The following ILKAP variants were observed in gnomAD, a reference collection of about 807,000 sequenced individuals.
ILKAP encodes integrin-linked kinase-associated serine/threonine phosphatase 2C.
A neutral mutation model predicts 49.1 loss-of-function variants in ILKAP; 11 were observed. The observed-to-expected ratio is 0.22, with a 90% CI of 0.14 to 0.37. The LOEUF (loss-of-function observed/expected upper bound fraction) is 0.37. Ranked by LOEUF, ILKAP falls within the 10% of genes least tolerant of loss-of-function variation. The pLI, the probability that ILKAP is intolerant of heterozygous loss-of-function variation, is 1.00. For missense variants in ILKAP, 363 were observed against 510.8 expected (o/e 0.71, Z 2.79); for synonymous variants, 186 against 192.8 (o/e 0.96, Z 0.29).
At chr2:238,184,827 T>C (rs938030951) in intron 6 of ILKAP, among the ~76,000 whole-genome samples, 1 of 152,032 alleles carries the variant, frequency 6.6e-6, no homozygotes, top group Non-Finnish European at 1.5e-5. Flanking sequence ...CCTCCCAAAG[T>C]GCTGTGTGAG....
chr2:238,188,346 ACTGT>A, intron 4 of ILKAP, 89 bp from the exon 5 acceptor site: 1 of 1,468,988 alleles, frequency 6.8e-7, no homozygotes, highest in East Asian at 2.4e-5. Flanking sequence ...GGGAACTATG[ACTGT>A]CTGACTCAGC....
At chr2:238,185,012 G>A (rs1386235841) in intron 6 of ILKAP, among the ~76,000 whole-genome samples, 169 bp downstream of exon 6, 1 of 152,124 alleles carries the variant, frequency 6.6e-6, no homozygotes, top group Non-Finnish European at 1.5e-5. Context: ...AGTCACACCT[G>A]CATGGCCGCT....
chr2:238,188,139 C>T lies in ILKAP; in HGVS notation c.417G>A (p.Ser139=), dbSNP rs138619010. 518 of 1,613,906 alleles carry T rather than the reference C, an allele frequency of 3.2e-4. No individual in the cohort carries two copies. Among genetic ancestry groups the T allele is most frequent in the Non-Finnish European group, 4.2e-4 (501 of 1,180,002 alleles). The change falls in exon 5 of 12, where the codon TCG becomes TCA. Residue 139 remains serine, a synonymous_variant. Coordinates refer to ENST00000254654, the MANE Select transcript of ILKAP (RefSeq NM_030768.3). The stretch of plus-strand genomic sequence containing the variant: ...TACCACATGAGACTCACATGAGGGA[C>T]GATGGGGGCCTACACTCCTCGGTGA... The part of the protein sequence containing the change: ...NDITEECRPP[S]SLITRVSYFA...
At position 238,179,815 on chromosome 2, in the gene ILKAP, AAAAAAATAC is replaced by A. The variant is rs756451330; in HGVS notation, c.836+2241_836+2249del. Among the ~76,000 whole-genome samples, 162 of 152,268 alleles carry A rather than the reference AAAAAAATAC, an allele frequency of 1.1e-3. 3 individuals carry two copies. Among genetic ancestry groups the A allele is most frequent in the Admixed American group, 4.3e-3 (66 of 15,298 alleles). ...AGGAAATATACAGAAATAACACCGT[AAAAAAATAC>A]GCAGGTTCAGAATATTGGTGACTCT... On this transcript the variant is annotated intron_variant, in intron 9 of 11. Coordinates refer to ENST00000254654, the MANE Select transcript of ILKAP (RefSeq NM_030768.3).
At chr2:238,177,633 T>C (rs1399390920) in intron 9 of ILKAP, among the ~76,000 whole-genome samples, 1 of 152,242 alleles carries the variant, frequency 6.6e-6, no homozygotes, top group Non-Finnish European at 1.5e-5. Flanking sequence ...TTCATCCATT[T>C]TGTAGCATGG....
intron 9 of ILKAP, among the ~76,000 whole-genome samples, chr2:238,175,286 A>G (rs1173090007): frequency 1.3e-5 from 2 of 151,994 alleles, no homozygotes; most frequent in Admixed American, 6.5e-5. Flanking sequence ...TTTTTTGTAC[A>G]GATGGGGTGT....
chr2:238,179,977 T>C (rs1693619822), intron 9 of ILKAP, among the ~76,000 whole-genome samples: 1 of 151,896 alleles, frequency 6.6e-6, no homozygotes, highest in Non-Finnish European at 1.5e-5. Flanking sequence ...TAGCTCAGCC[T>C]GGAAAACACA....
chr2:238,174,702 T>C (rs1693370544), intron 9 of ILKAP, among the ~76,000 whole-genome samples: 1 of 152,200 alleles, frequency 6.6e-6, no homozygotes, highest in African/African-American at 2.4e-5. Context: ...TTCAAAGACT[T>C]CTGCTGGTAT....
chr2:238,195,807 CT>C (rs1417955738), intron 1 of ILKAP, among the ~76,000 whole-genome samples: 1 of 152,040 alleles, frequency 6.6e-6, no homozygotes, highest in African/African-American at 2.4e-5. Flanking sequence ...CTTCGGTAGG[CT>C]GAGGTGGGAG....
intron 1 of ILKAP, among the ~76,000 whole-genome samples, chr2:238,195,515 A>G (rs1240986598): frequency 1.3e-5 from 2 of 152,370 alleles, no homozygotes; most frequent in South Asian, 2.1e-4. Flanking sequence ...TTTACACTCC[A>G]AAAGTATGTC....
chr2:238,189,766 G>A (rs1694046175), intron 4 of ILKAP, 87 bp downstream of exon 4: 1 of 1,249,762 alleles, frequency 8.0e-7, no homozygotes, highest in Non-Finnish European at 1.1e-6. Flanking sequence ...TAAAAAGAAA[G>A]TATTATTAGA....
chr2:238,177,154 A>C (rs1693496971), intron 9 of ILKAP, among the ~76,000 whole-genome samples: 1 of 152,256 alleles, frequency 6.6e-6, no homozygotes, highest in African/African-American at 2.4e-5. Flanking sequence ...AAAGTAGAAA[A>C]AAATAATGCA....
intron 6 of ILKAP, among the ~76,000 whole-genome samples, chr2:238,184,708 A>G (rs958868599): frequency 4.0e-5 from 6 of 148,596 alleles, no homozygotes; most frequent in African/African-American, 1.5e-4. Flanking sequence ...CCACAGGCAC[A>G]TACCACCATG....
chr2:238,174,912 T>C (rs1175476704), intron 9 of ILKAP, among the ~76,000 whole-genome samples: 2 of 152,132 alleles, frequency 1.3e-5, no homozygotes, highest in Non-Finnish European at 2.9e-5. Flanking sequence ...GGGTGTCTGG[T>C]GTGGCTTCCG....
At chr2:238,192,431 C>G (rs1426705379) in intron 3 of ILKAP, among the ~76,000 whole-genome samples, 1 of 150,740 alleles carries the variant, frequency 6.6e-6, no homozygotes, top group Admixed American at 6.6e-5. Flanking sequence ...CGGGCAAGGT[C>G]GCTCACACCT....
chr2:238,183,936 G>T, intron 7 of ILKAP, 84 bp downstream of exon 7: 1 of 1,036,006 alleles, frequency 9.7e-7, no homozygotes, highest in Non-Finnish European at 1.5e-6. Context: ...GAGCAATAGT[G>T]TTAAACCACA....
intron 3 of ILKAP, among the ~76,000 whole-genome samples, chr2:238,193,933 AC>A (rs1310670381): frequency 6.6e-6 from 1 of 152,256 alleles, no homozygotes; most frequent in Non-Finnish European, 1.5e-5. Flanking sequence ...TAGCCTCGAT[AC>A]ATTTGAGTCA....
chr2:238,173,760 C>T (rs1559287822), intron 9 of ILKAP, 107 bp from the exon 10 acceptor site: 2 of 1,266,276 alleles, frequency 1.6e-6, no homozygotes, highest in East Asian at 4.9e-5. Context: ...AAGATACAGA[C>T]TGTGGAATTC....
chr2:238,175,230 C>T lies in ILKAP; in HGVS notation c.837-1577G>A, dbSNP rs556032781. On this transcript the variant is annotated intron_variant, in intron 9 of 11. Transcript: ENST00000254654. ...CCTCCCACCTCAGCCTCCTGAGTAG[C>T]TAGAACTACAGGTGTCACCAAGTCC... Among the ~76,000 whole-genome samples the T allele has an allele frequency of 7.2e-5, 11 of 151,832 alleles. No individual in the cohort carries two copies. The South Asian group carries it at 1.5e-3, about 20-fold the overall frequency.
Sources: allele counts gnomAD v4.1 joint callset (sites outside exome capture counted in the v4.1 genomes callset), GRCh38; gene constraint gnomAD v4.1.1; transcripts MANE v1.5; gene names NCBI Gene and HGNC (gene_info 2026-07-23, HGNC 2026-07-21).